The following KRAS variants were observed in gnomAD, a reference collection of about 807,000 sequenced individuals.
KRAS encodes the protein KRas proto-oncogene, GTPase.
A neutral mutation model predicts 21.0 loss-of-function variants in KRAS; 1 was observed. The observed-to-expected ratio is 0.05, with a 90% CI of 0.02 to 0.23. The LOEUF is 0.23. KRAS is among the 10% of genes least tolerant of loss of function. The pLI, the probability that KRAS is intolerant of heterozygous loss-of-function variation, is 1.00. For missense variants in KRAS, 107 were observed against 221.8 expected (o/e 0.48, Z 3.29); for synonymous variants, 67 against 72.5 (o/e 0.92, Z 0.39).
chr12:25,231,375 G>T (rs1256848618), intron 2 of KRAS, among the ~76,000 whole-genome samples: 1 of 151,842 alleles, frequency 6.6e-6, no homozygotes, highest in East Asian at 1.9e-4. Context: ...CAACCATCGC[G>T]CCCAGCCTGT....
intron 2 of KRAS, among the ~76,000 whole-genome samples, chr12:25,238,130 A>C (rs17329424): frequency 0.11 from 16,054 of 152,294 alleles, 1,242 homozygotes; most frequent in Non-Finnish European, 0.15. Flanking sequence ...TAAATGCTGG[A>C]TACTTAAAAT....
At chr12:25,224,183 TAAAAAAAA>T (rs5797121) in intron 4 of KRAS, among the ~76,000 whole-genome samples, 4 of 79,720 alleles carry the variant, frequency 5.0e-5, no homozygotes, top group Admixed American at 1.5e-4. Context: ...TCCTATTTAC[TAAAAAAAA>T]AAAAAAAAAA....
Position 25,209,217 on chromosome 12 carries a change from G to A in KRAS, c.*578C>T, listed in dbSNP as rs1951177117. The A allele has an allele frequency of 4.4e-6, 3 of 681,038 alleles. No individual in the cohort carries two copies. The highest frequency in any genetic ancestry group is 5.5e-5 in the East Asian group (2 of 36,622). The allele number at this position is 681,038 out of a possible 1,614,324, so 42.2% of individuals were successfully genotyped here. A position where few individuals can be genotyped will look rare whatever the true frequency, so the allele number is the denominator to read the frequency against. ...TAGAAAAAATATAATATTTTGGGGAGAGTGACCATGACTAATAGCAGTGGA... is the reference window on the plus strand; with the variant it reads ...TAGAAAAAATATAATATTTTGGGGAAAGTGACCATGACTAATAGCAGTGGA... On this transcript the variant is annotated 3_prime_UTR_variant, in exon 5 of 5. Transcript: ENST00000311936.
At chr12:25,231,370 A>G (rs1951467952) in intron 2 of KRAS, among the ~76,000 whole-genome samples, 3 of 152,022 alleles carry the variant, frequency 2.0e-5, no homozygotes, top group Admixed American at 2.0e-4. Context: ...GGCGTCAACC[A>G]TCGCGCCCAG....
At chr12:25,249,147 G>A (rs1472772191) in intron 1 of KRAS, among the ~76,000 whole-genome samples, 1 of 145,690 alleles carries the variant, frequency 6.9e-6, no homozygotes, top group East Asian at 2.0e-4. Flanking sequence ...AGATGCACAT[G>A]CCACTGTGGG....
intron 1 of KRAS, among the ~76,000 whole-genome samples, chr12:25,248,847 A>G (rs368999108): frequency 1.3e-5 from 2 of 152,306 alleles, no homozygotes; most frequent in African/African-American, 4.8e-5. Context: ...ATCTCTTAAA[A>G]GCAAATATAC....
chr12:25,223,216 G>A (rs1362828852), intron 4 of KRAS, among the ~76,000 whole-genome samples: 1 of 152,062 alleles, frequency 6.6e-6, no homozygotes, highest in East Asian at 1.9e-4. Flanking sequence ...AAAGTTGTAA[G>A]TAAAGCAAAT....
chr12:25,229,490 G>A (rs1211034849), intron 2 of KRAS, among the ~76,000 whole-genome samples: 1 of 152,142 alleles, frequency 6.6e-6, no homozygotes, highest in Non-Finnish European at 1.5e-5. Context: ...TAAAAAGAGA[G>A]AGAACTGCAA....
chr12:25,226,433 C>T (rs929197188), intron 3 of KRAS, among the ~76,000 whole-genome samples: 3 of 152,100 alleles, frequency 2.0e-5, no homozygotes, highest in South Asian at 2.1e-4. Flanking sequence ...TTCCCGGTTC[C>T]GAACACCATT....
At chr12:25,233,440 G>C (rs1951502383) in intron 2 of KRAS, among the ~76,000 whole-genome samples, 1 of 152,132 alleles carries the variant, frequency 6.6e-6, no homozygotes, top group Non-Finnish European at 1.5e-5. Context: ...TGTAGTCCCA[G>C]CTATTTGGGG....
intron 4 of KRAS, among the ~76,000 whole-genome samples, chr12:25,216,557 A>C (rs1236033652): frequency 2.0e-5 from 3 of 152,230 alleles, no homozygotes; most frequent in African/African-American, 4.8e-5. Context: ...TACAGCCATG[A>C]GCCACCAAAC....
At chr12:25,229,507 G>A (rs957338311) in intron 2 of KRAS, among the ~76,000 whole-genome samples, 1 of 152,096 alleles carries the variant, frequency 6.6e-6, no homozygotes, top group Non-Finnish European at 1.5e-5. Flanking sequence ...GCAACTATAA[G>A]ATTAAGTAAA....
intron 4 of KRAS, chr12:25,215,163 C>T (rs1951240349): frequency 2.2e-6 from 1 of 462,440 alleles, no homozygotes; most frequent in Non-Finnish European, 2.8e-6. Context: ...AGGTAAATAT[C>T]AGTTTCCAAA....
In KRAS at chr12:25,222,174, A is replaced by AAAATAAATAAATAAAT. The variant is rs139753860; in HGVS notation, c.450+3424_450+3439dup. Among the ~76,000 whole-genome samples the AAAATAAATAAATAAAT allele has an allele frequency of 5.7e-4, 84 of 148,304 alleles. No individual in the cohort carries two copies. The East Asian group carries it at 0.011, about 20-fold the overall frequency. ...AAAAAAAAAAAACAAGAAAGAAAGA[A>AAAATAAATAAATAAAT]AAATAAATAAATAAATAAATAAATA... On this transcript the variant is annotated intron_variant, in intron 4 of 4. Coordinates refer to ENST00000311936, the MANE Select transcript of KRAS (RefSeq NM_004985.5).
At position 25,209,936 on chromosome 12, in the gene KRAS, ATG is replaced by A. The variant is rs1951185337; in HGVS notation, c.451-27_451-26del. The A allele has an allele frequency of 1.9e-6, 3 of 1,562,288 alleles. No individual in the cohort carries two copies. The East Asian group carries it at 6.8e-5, about 35-fold the overall frequency. On this transcript the variant is annotated intron_variant, in intron 4 of 4. Coordinates refer to ENST00000311936, the MANE Select transcript of KRAS (RefSeq NM_004985.5). ...CCTGAAATACATAAAAAGTATTAAA[ATG>A]TGAATATATACGATGGCTTCATGTG... is the stretch of plus-strand genomic sequence containing the variant.
intron 2 of KRAS, 92 bp from the exon 3 acceptor site, chr12:25,227,504 T>G: frequency 1.7e-6 from 2 of 1,182,512 alleles, no homozygotes; most frequent in Non-Finnish European, 2.4e-6. Flanking sequence ...AAAATTCAAT[T>G]TAAAAATGGG....
chr12:25,243,600 C>T (rs1951638767), intron 2 of KRAS, among the ~76,000 whole-genome samples: 1 of 152,150 alleles, frequency 6.6e-6, no homozygotes, highest in South Asian at 2.1e-4. Context: ...GCACTCATGA[C>T]CTCTGATTGG....
At chr12:25,234,665 T>A (rs865956633) in intron 2 of KRAS, 4 of 188,832 alleles carry the variant, frequency 2.1e-5, no homozygotes, top group South Asian at 3.9e-4. Flanking sequence ...GTTTCCTGGT[T>A]TATTAAATGC....
At chr12:25,242,372 C>A (rs1592820936) in intron 2 of KRAS, among the ~76,000 whole-genome samples, 1 of 147,518 alleles carries the variant, frequency 6.8e-6, no homozygotes, top group African/African-American at 2.6e-5. Flanking sequence ...GACTTTTCCT[C>A]TTCCACCAAA....
Sources: allele counts gnomAD v4.1 joint callset (sites outside exome capture counted in the v4.1 genomes callset), GRCh38; gene constraint gnomAD v4.1.1; transcripts MANE v1.5; gene names NCBI Gene and HGNC (gene_info 2026-07-23, HGNC 2026-07-21).